Variants in ENDOD1 observed in about 807,000 individuals in gnomAD.
ENDOD1 encodes endonuclease domain containing 1.
In ENDOD1, 9 loss-of-function variants were observed where a neutral mutation model predicts 6.5. The observed-to-expected ratio is 1.39, with a 90% confidence interval of 0.84 to 2.43. The LOEUF is 2.43. Ranked by LOEUF, ENDOD1 falls within the 30% of genes most tolerant of loss-of-function variation. ENDOD1 has a pLI of 0.00. For synonymous variants in ENDOD1, 255 were observed against 255.2 expected (o/e 1.00, Z 0.01); for missense variants, 648 against 635.5 (o/e 1.02, Z -0.21).
Position 95,089,900 on chromosome 11 carries a change from C to T in ENDOD1, c.-28C>T, listed in dbSNP as rs567693338. 2,372 of 1,311,622 alleles carry T rather than the reference C, an allele frequency of 1.8e-3. 3 individuals carry two copies. The highest frequency in any genetic ancestry group is 2.2e-3 in the Non-Finnish European group (2,275 of 1,027,808). The allele number at this position is 1,311,622 out of a possible 1,614,324, so 81.2% of individuals were successfully genotyped here. On this transcript the variant is annotated 5_prime_UTR_variant, in exon 1 of 2. Coordinates refer to ENST00000278505, the MANE Select transcript of ENDOD1 (RefSeq NM_015036.3). The stretch of plus-strand genomic sequence containing the variant: ...CTCGCGCCGCGGCAGCCCAGCCGCT[C>T]GGCCCCGCCGCGCTCGCAGAGGCCG...
intron 1 of ENDOD1, among the ~76,000 whole-genome samples, chr11:95,122,061 G>T (rs1372693206): frequency 1.3e-5 from 2 of 151,960 alleles, no homozygotes; most frequent in African/African-American, 4.8e-5. Context: ...TTGTCTTTAG[G>T]GAGCAATGTT....
At chr11:95,108,494 A>AACACACACAC (rs34439162) in intron 1 of ENDOD1, among the ~76,000 whole-genome samples, 4,478 of 146,454 alleles carry the variant, frequency 0.031, 234 homozygotes, top group African/African-American at 0.099. Flanking sequence ...CTCTTTTCTA[A>AACACACACAC]ACACACACAC....
chr11:95,097,501 A>C (rs1405093729), intron 1 of ENDOD1, among the ~76,000 whole-genome samples: 1 of 152,204 alleles, frequency 6.6e-6, no homozygotes, highest in Non-Finnish European at 1.5e-5. Flanking sequence ...ACGGCAGATC[A>C]TTTAGATTCT....
At position 95,129,608 on chromosome 11, in the gene ENDOD1, A is replaced by C; in HGVS notation, c.*29A>C. 6.3e-7 allele frequency: 1 copy of C among 1,577,656 alleles called. No individual in the cohort carries two copies. The highest frequency in any genetic ancestry group is 8.6e-7 in the Non-Finnish European group (1 of 1,160,512). ...CAAAAAACTAATAGTATCCAGTCAC[A>C]GTGAATTTGAAAGCTGGAATAGTTT... On this transcript the variant is annotated 3_prime_UTR_variant, in exon 2 of 2. Transcript: ENST00000278505.
chr11:95,094,737 A>G (rs1260991817), intron 1 of ENDOD1, among the ~76,000 whole-genome samples: 2 of 152,222 alleles, frequency 1.3e-5, no homozygotes, highest in African/African-American at 4.8e-5. Flanking sequence ...GAGAACAGAT[A>G]TATAGAGCAT....
chr11:95,109,167 C>G (rs868935948), intron 1 of ENDOD1, among the ~76,000 whole-genome samples: 2 of 152,210 alleles, frequency 1.3e-5, no homozygotes, highest in Non-Finnish European at 2.9e-5. Flanking sequence ...GGATAGCTCC[C>G]TAGGTCATCT....
At chr11:95,091,576 G>T (rs1858931700) in intron 1 of ENDOD1, among the ~76,000 whole-genome samples, 2 of 152,212 alleles carry the variant, frequency 1.3e-5, no homozygotes, top group African/African-American at 2.4e-5. Flanking sequence ...TTGTGATTGT[G>T]TGCCTGCGAA....
intron 1 of ENDOD1, among the ~76,000 whole-genome samples, chr11:95,123,507 G>T (rs1859282794): frequency 1.4e-5 from 2 of 146,194 alleles, no homozygotes; most frequent in East Asian, 4.2e-4. Flanking sequence ...AGCCTATATA[G>T]TTCTTGTTAC....
chr11:95,102,013 C>T (rs1477094150), intron 1 of ENDOD1, among the ~76,000 whole-genome samples: 1 of 152,036 alleles, frequency 6.6e-6, no homozygotes, highest in Non-Finnish European at 1.5e-5. Flanking sequence ...TCACAGGTGG[C>T]TTGAAAAAAT....
rs533723399 is a variant in ENDOD1 at position 95,130,556 on chromosome 11, T to C, written c.*977T>C. On this transcript the variant is annotated 3_prime_UTR_variant, in exon 2 of 2. Transcript: ENST00000278505. Reference sequence around the variant, plus strand: ...CAACATAGTAGATTTTTCTAATGCATGAAATAAGTACCCAGCACAGTAAAA... The same window carrying C: ...CAACATAGTAGATTTTTCTAATGCACGAAATAAGTACCCAGCACAGTAAAA... The C allele has an allele frequency of 2.2e-4, 33 of 152,230 alleles. No individual in the cohort carries two copies. Among genetic ancestry groups the C allele is most frequent in the African/African-American group, 7.9e-4 (33 of 41,524 alleles). 9.4% of individuals were successfully genotyped at this position (152,230 alleles called of 1,614,324 possible).
chr11:95,125,147 C>T (rs1859299301), intron 1 of ENDOD1, among the ~76,000 whole-genome samples: 1 of 152,138 alleles, frequency 6.6e-6, no homozygotes, highest in Non-Finnish European at 1.5e-5. Context: ...GCTAGAGACA[C>T]TCCAGCATGC....
chr11:95,110,000 T>C (rs1436697848), intron 1 of ENDOD1, among the ~76,000 whole-genome samples: 1 of 152,260 alleles, frequency 6.6e-6, no homozygotes, highest in Non-Finnish European at 1.5e-5. Context: ...GGGGTGTAAG[T>C]ACAAAAACTC....
Position 95,089,971 on chromosome 11 carries a change from T to G in ENDOD1, c.44T>G (p.Leu15Arg). ...CTCGCGCTGGGCAGCCTCTTCGCCCTGGCTGGGCTGCTGGAAGGCCGGCTC... is the reference window on the plus strand; with the variant it reads ...CTCGCGCTGGGCAGCCTCTTCGCCCGGGCTGGGCTGCTGGAAGGCCGGCTC... ...RWLALGSLFA[L>R]AGLLEGRLVG... The change falls in exon 1 of 2, where the codon CTG becomes CGG. Residue 15 changes from leucine (L) to arginine (R), a missense_variant. Physicochemically the swap from Leu to Arg is moderately radical, Grantham distance 102 (BLOSUM62 -2). Transcript: ENST00000278505. The G allele has an allele frequency of 4.6e-6, 7 of 1,537,262 alleles. No individual in the cohort carries two copies. Among genetic ancestry groups the G allele is most frequent in the Non-Finnish European group, 6.1e-6 (7 of 1,141,752 alleles).
chr11:95,124,960 A>C (rs1218605576), intron 1 of ENDOD1, among the ~76,000 whole-genome samples: 1 of 152,124 alleles, frequency 6.6e-6, no homozygotes, highest in African/African-American at 2.4e-5. Context: ...CATGCCATGC[A>C]CGTTCTCTCT....
intron 1 of ENDOD1, among the ~76,000 whole-genome samples, chr11:95,109,320 G>A (rs1425488404): frequency 6.6e-6 from 1 of 152,172 alleles, no homozygotes; most frequent in African/African-American, 2.4e-5. Flanking sequence ...TCTGTTGTCA[G>A]GACCACCTTT....
At chr11:95,109,165 C>T (rs1859122990) in intron 1 of ENDOD1, among the ~76,000 whole-genome samples, 1 of 152,184 alleles carries the variant, frequency 6.6e-6, no homozygotes, top group Non-Finnish European at 1.5e-5. Flanking sequence ...TTGGATAGCT[C>T]CCTAGGTCAT....
At position 95,090,201 on chromosome 11, in the gene ENDOD1, G is replaced by C. The variant is rs782253502; in HGVS notation, c.274G>C (p.Glu92Gln). The change falls in exon 1 of 2, where the codon GAG becomes CAG. Residue 92 changes from glutamate to glutamine, a missense_variant. Glu to Gln is a conservative substitution (Grantham distance 29, BLOSUM62 2). Transcript: ENST00000278505. ...CCCGCGCCCTGCGCCCGGCGGCGCC[G>C]AGCAGCGATGGCTGGTGGAGCCGCA... ...RAPRPAPGGA[E>Q]QRWLVEPQID... 1.4e-6 allele frequency: 2 copies of C among 1,411,132 alleles called. No individual in the cohort carries two copies. The highest frequency in any genetic ancestry group is 1.9e-6 in the Non-Finnish European group (2 of 1,067,790). The allele number at this position is 1,411,132 out of a possible 1,614,324, so 87.4% of individuals were successfully genotyped here.
In ENDOD1 at chr11:95,128,602, G is replaced by A; in HGVS notation, c.526G>A (p.Val176Met). ...MTQSFQERWY[V>M]NLHSLMDRAL... is the part of the protein sequence containing the mutation. ...TCAGTCCTTCCAGGAACGGTGGTATGTGAATCTCCACAGCCTAATGGACCG... is the reference window on the plus strand; with the variant it reads ...TCAGTCCTTCCAGGAACGGTGGTATATGAATCTCCACAGCCTAATGGACCG... The change falls in exon 2 of 2, where the codon GTG (valine) becomes ATG (methionine). Residue 176 changes from valine (V) to methionine (M), a missense_variant. Physicochemically the swap from Val to Met is conservative, Grantham distance 21. Transcript: ENST00000278505. 6.2e-7 allele frequency: 1 copy of A among 1,614,232 alleles called. No individual in the cohort carries two copies. The highest frequency in any genetic ancestry group is 8.5e-7 in the Non-Finnish European group (1 of 1,180,046).
chr11:95,129,083 C>A lies in ENDOD1; in HGVS notation c.1007C>A (p.Ala336Asp). ...TTGGGAAAACTCATGGGCTTCATTG[C>A]TACCCCATTCATCAAGCTTTTTCAA... ...SFLGKLMGFI[A>D]TPFIKLFQLI... The change falls in exon 2 of 2, where the codon GCT becomes GAT. Residue 336 changes from alanine (A) to aspartate (D), a missense_variant. Ala to Asp is a moderately radical substitution (Grantham distance 126). Coordinates refer to ENST00000278505, the MANE Select transcript of ENDOD1 (RefSeq NM_015036.3). 6.2e-7 allele frequency: 1 copy of A among 1,614,106 alleles called. No individual in the cohort carries two copies. Among genetic ancestry groups the A allele is most frequent in the Non-Finnish European group, 8.5e-7 (1 of 1,180,032 alleles).
Sources: allele counts gnomAD v4.1 joint callset (sites outside exome capture counted in the v4.1 genomes callset), GRCh38; gene constraint gnomAD v4.1.1; transcripts MANE v1.5; gene names NCBI Gene and HGNC (gene_info 2026-07-23, HGNC 2026-07-21).